SP110: variants seen among roughly 807,000 people sequenced by gnomAD.
SP110 encodes SP110 nuclear body protein.
Under a neutral mutation model 92.7 loss-of-function variants are expected in SP110, and 62 were observed. That is an observed-to-expected ratio of 0.67 (90% CI 0.55 to 0.83). SP110 has a LOEUF of 0.83. Ranked by LOEUF, SP110 falls within the 40% of genes least tolerant of loss-of-function variation. SP110 has a pLI of 0.00. For synonymous variants in SP110, 273 were observed against 305.3 expected (o/e 0.89, Z 1.10); for missense variants, 793 against 863.9 (o/e 0.92, Z 1.03).
chr2:230,203,253 G>C (rs542616883), intron 8 of SP110: 9 of 174,570 alleles, frequency 5.2e-5, no homozygotes, highest in Admixed American at 1.6e-4. Flanking sequence ...GAGACCCAGA[G>C]GAGGTGCAAT....
chr2:230,177,501 T>C, intron 14 of SP110, 37 bp downstream of exon 14: 1 of 1,609,658 alleles, frequency 6.2e-7, no homozygotes, highest in Non-Finnish European at 8.5e-7. Context: ...CTTCAAGGAT[T>C]TAAACCTGTC....
chr2:230,195,456 T>G (rs2042828832), intron 10 of SP110, among the ~76,000 whole-genome samples: 1 of 152,102 alleles, frequency 6.6e-6, no homozygotes, highest in Non-Finnish European at 1.5e-5. Context: ...CACCTCAGCC[T>G]CCTGAGTAGC....
intron 12 of SP110, among the ~76,000 whole-genome samples, chr2:230,180,661 T>G (rs1312501745): frequency 6.6e-6 from 1 of 152,162 alleles, no homozygotes; most frequent in Non-Finnish European, 1.5e-5. Flanking sequence ...CCAGACCCAG[T>G]ATCTAGCGCT....
At position 230,212,792 on chromosome 2, in the gene SP110, A is replaced by G; in HGVS notation, c.552T>C (p.Pro184=). The change falls in exon 4 of 19, where the codon CCT becomes CCC. Residue 184 remains proline (P), a synonymous_variant. Coordinates refer to ENST00000258381, the MANE Select transcript of SP110 (RefSeq NM_080424.4). ...TGCTTCTTCCTTCCTGGATGAGTGC[A>G]GGGAGAGGCAGGACAGGGTCAGATG... ...PSPSDPVLPL[P]ALIQEGRSTS... The G allele has an allele frequency of 6.2e-7, 1 of 1,614,170 alleles. No individual in the cohort carries two copies. Among genetic ancestry groups the G allele is most frequent in the Non-Finnish European group, 8.5e-7 (1 of 1,180,010 alleles).
At chr2:230,204,685 A>G (rs1224433601) in intron 8 of SP110, among the ~76,000 whole-genome samples, 2 of 152,142 alleles carry the variant, frequency 1.3e-5, no homozygotes, top group African/African-American at 4.8e-5. Context: ...CACATTATGT[A>G]AGTAATTACA....
upstream of SP110, among the ~76,000 whole-genome samples, chr2:230,223,839 G>T (rs541905240): frequency 6.6e-6 from 1 of 152,192 alleles, no homozygotes; most frequent in Non-Finnish European, 1.5e-5. Flanking sequence ...AAATCTTCCA[G>T]GTAGAATGAA....
intron 10 of SP110, among the ~76,000 whole-genome samples, chr2:230,189,577 T>TA (rs1328049409): frequency 1.3e-5 from 2 of 152,118 alleles, no homozygotes; most frequent in Non-Finnish European, 1.5e-5. Context: ...TTTTTTCTTC[T>TA]AAAAAACCCC....
intron 14 of SP110, chr2:230,174,061 G>C (rs995718692): frequency 6.6e-6 from 1 of 152,176 alleles, no homozygotes; most frequent in Non-Finnish European, 1.5e-5. Context: ...GACACACTCA[G>C]GACATTACTC....
In SP110 at chr2:230,211,205, G is replaced by A. The variant is rs1047465890; in HGVS notation, c.751+265C>T. Among the ~76,000 whole-genome samples, 8 of 152,106 alleles carry A rather than the reference G, an allele frequency of 5.3e-5. No individual in the cohort carries two copies. Among genetic ancestry groups the A allele is most frequent in the Admixed American group, 3.9e-4 (6 of 15,268 alleles). On this transcript the variant is annotated intron_variant, in intron 6 of 18. Transcript: ENST00000258381. This position sits in a 1 kb window ranked among gnomAD's most constrained non-coding sequence, Gnocchi z 4.2. ...GAGTCCAAACCTACAGGCACTGGTG[G>A]GGCTCTGTCCATCATCATCCGTGGC... is the stretch of plus-strand genomic sequence containing the variant.
At chr2:230,171,036 T>C in intron 17 of SP110, 1 of 528,056 alleles carries the variant, frequency 1.9e-6, no homozygotes, top group East Asian at 3.4e-5. Flanking sequence ...CTACCCAAGA[T>C]GTCTCAGCAA....
rs200723367 is a variant in SP110, at chr2:230,212,461, G to T, written c.584-31C>A. On this transcript the variant is annotated intron_variant, in intron 4 of 18. Coordinates refer to ENST00000258381, the MANE Select transcript of SP110 (RefSeq NM_080424.4). ...GGAGGAAAGGAAATTATTACAGATTGCAGGGACTGGATGTCAGGGAGAAGA... is the reference window on the plus strand; with the variant it reads ...GGAGGAAAGGAAATTATTACAGATTTCAGGGACTGGATGTCAGGGAGAAGA... The T allele has an allele frequency of 7.2e-5, 108 of 1,494,686 alleles. No individual in the cohort carries two copies. In the African/African-American group the frequency reaches 1.4e-3, roughly 19 times the overall value. The allele number at this position is 1,494,686 out of a possible 1,614,324, so 92.6% of individuals were successfully genotyped here.
At chr2:230,206,583 C>T (rs1304984230) in intron 8 of SP110, among the ~76,000 whole-genome samples, 9 of 98,206 alleles carry the variant, frequency 9.2e-5, no homozygotes, top group Non-Finnish European at 1.6e-4. Context: ...TATATATTAT[C>T]TGGTCCAGAT....
chr2:230,187,649 A>C (rs2042417382), intron 10 of SP110, among the ~76,000 whole-genome samples: 1 of 152,112 alleles, frequency 6.6e-6, no homozygotes, highest in Admixed American at 6.5e-5. Flanking sequence ...TTTTTGATCC[A>C]TCTTGAGTTA....
At chr2:230,184,659 A>T (rs1279779006) in intron 11 of SP110, among the ~76,000 whole-genome samples, 2 of 151,630 alleles carry the variant, frequency 1.3e-5, no homozygotes, top group African/African-American at 2.4e-5. Flanking sequence ...AATCAGAAAA[A>T]CTAATAATTA....
chr2:230,216,935 A>G lies in SP110; in HGVS notation c.-1-7T>C, dbSNP rs2045251992. The G allele has an allele frequency of 6.2e-7, 1 of 1,612,556 alleles. No homozygotes were observed. Among genetic ancestry groups the G allele is most frequent in the African/African-American group, 1.3e-5 (1 of 74,858 alleles). On this transcript the variant is annotated splice_region_variant and splice_polypyrimidine_tract_variant and intron_variant, in intron 1 of 18. Transcript: ENST00000258381. Reference sequence around the variant, plus strand: ...TCTTGTCATGGTGAACATCCTATGGAAAGAGGCATGATAAAAAATAGAAGC... The same window carrying G: ...TCTTGTCATGGTGAACATCCTATGGGAAGAGGCATGATAAAAAATAGAAGC...
chr2:230,171,207 C>T (rs1487516604), intron 17 of SP110, among the ~76,000 whole-genome samples: 1 of 152,216 alleles, frequency 6.6e-6, no homozygotes, highest in East Asian at 1.9e-4. Flanking sequence ...ATTCTCCTGC[C>T]TCAGCCTCCT....
rs773822608 is a variant in SP110 at position 230,172,963 on chromosome 2, C to G, written c.1591-4G>C. On this transcript the variant is annotated splice_region_variant and splice_polypyrimidine_tract_variant and intron_variant, in intron 14 of 18. Transcript: ENST00000258381. ...CGCATTCATCCGAGTTTTTCCGCTG[C>G]AAGGGCAGATAACGTGGGCACCGCT... 6.2e-7 allele frequency: 1 copy of G among 1,605,194 alleles called. No individual in the cohort carries two copies. Among genetic ancestry groups the G allele is most frequent in the Non-Finnish European group, 8.5e-7 (1 of 1,171,894 alleles).
At chr2:230,172,566 AC>A (rs2078475314) in intron 15 of SP110, 1 of 531,178 alleles carries the variant, frequency 1.9e-6, no homozygotes. Flanking sequence ...TCTTTCCTCA[AC>A]AGGCACAGAA....
rs201743901 is a variant in SP110, at chr2:230,216,863, C to A, written c.65G>T (p.Gly22Val). Reference sequence around the variant, plus strand: ...TGGCTTGTGTATGGCATAGGCGATCCCCAGCTTCTGGTGCATGAAGTGCTG... The same window carrying A: ...TGGCTTGTGTATGGCATAGGCGATCACCAGCTTCTGGTGCATGAAGTGCTG... The part of the protein sequence containing the change: ...LFQHFMHQKL[G>V]IAYAIHKPFP... Residue 22 changes from glycine to valine, a missense_variant, in exon 2 of 19, where the codon GGG (glycine) becomes GTG (valine). Transcript: ENST00000258381. 1 of 1,613,966 alleles carries A rather than the reference C, an allele frequency of 6.2e-7. No homozygotes were observed. Among genetic ancestry groups the A allele is most frequent in the Non-Finnish European group, 8.5e-7 (1 of 1,179,928 alleles).
Sources: gnomAD v4.1 joint callset for allele counts (sites outside exome capture counted in the v4.1 genomes callset) on GRCh38, gnomAD v4.1.1 for gene constraint, Gnocchi (gnomAD v3.1) non-coding constraint, MANE v1.5 for transcripts, NCBI Gene and HGNC (gene_info 2026-07-23, HGNC 2026-07-21) for gene names.